GPBP1: variants seen among roughly 807,000 people sequenced by gnomAD.
The protein encoded by GPBP1 is GC-rich promoter binding protein 1, also known as vasculin.
Under a neutral mutation model 56.5 loss-of-function variants are expected in GPBP1, and 13 were observed. The observed-to-expected ratio is 0.23, with a 90% confidence interval of 0.15 to 0.37. The LOEUF is 0.37. GPBP1 is among the 10% of genes least tolerant of loss of function. GPBP1 has a pLI of 1.00. For missense variants in GPBP1, 477 were observed against 572.3 expected, an observed-to-expected ratio of 0.83 and a Z score of 1.70; for synonymous variants, 204 against 188.9, an observed-to-expected ratio of 1.08 and a Z score of -0.66.
intron 6 of GPBP1, among the ~76,000 whole-genome samples, chr5:57,240,452 T>C (rs148297524): frequency 1.3e-5 from 2 of 152,366 alleles, no homozygotes; most frequent in East Asian, 3.9e-4. Context: ...CCATTCAGTG[T>C]AGGTTTACTA....
chr5:57,250,205 C>T lies in GPBP1; in HGVS notation c.972+629C>T, dbSNP rs539464728. On this transcript the variant is annotated intron_variant, in intron 9 of 11. Transcript: ENST00000506184. ...TTTTTGTAGAGACGGGGTTTCACCA[C>T]GTTGGCCAGACTGGTCTTGAACTCC... is the stretch of plus-strand genomic sequence containing the variant. 2.0e-5 allele frequency among the ~76,000 whole-genome samples: 3 copies of T among 151,426 alleles called. No individual in the cohort carries two copies. The South Asian group carries it at 6.3e-4, about 32-fold the overall frequency.
At chr5:57,178,728 A>G (rs1753907737) in intron 2 of GPBP1, among the ~76,000 whole-genome samples, 1 of 152,164 alleles carries the variant, frequency 6.6e-6, no homozygotes, top group Non-Finnish European at 1.5e-5. Context: ...TTTGACAGAT[A>G]TTTTCAGTAT....
chr5:57,236,099 G>T lies in GPBP1; in HGVS notation c.478+67G>T, dbSNP rs1660811495. 4 of 1,085,106 alleles carry T rather than the reference G, an allele frequency of 3.7e-6. No homozygotes were observed. The South Asian group carries it at 5.4e-5, about 15-fold the overall frequency. 67.2% of individuals were successfully genotyped at this position (1,085,106 alleles called of 1,614,324 possible). A position where few individuals can be genotyped will look rare whatever the true frequency, so the allele number is the denominator to read the frequency against. On this transcript the variant is annotated intron_variant, in intron 6 of 11. Coordinates refer to ENST00000506184, the MANE Select transcript of GPBP1 (RefSeq NM_022913.4). ...GATATTTATAGGTTTCACTTTTTGT[G>T]TTTTTTAAAATAGAGAGCAGGCTAG...
chr5:57,247,747 T>G lies in GPBP1; in HGVS notation c.804+532T>G, dbSNP rs539774457. On this transcript the variant is annotated intron_variant, in intron 8 of 11. Coordinates refer to ENST00000506184, the MANE Select transcript of GPBP1 (RefSeq NM_022913.4). ...AACATCCTAATAAACAAAGAATAAT[T>G]TTTTGGGGGGTGGTAGGAGGGACAG... 2.0e-5 allele frequency among the ~76,000 whole-genome samples: 3 copies of G among 150,790 alleles called. No homozygotes were observed. The South Asian group carries it at 6.4e-4, about 32-fold the overall frequency.
chr5:57,175,909 T>C lies in GPBP1; in HGVS notation c.-549T>C. The C allele has an allele frequency of 2.5e-6, 1 of 398,486 alleles. No individual in the cohort carries two copies. Among genetic ancestry groups the C allele is most frequent in the Non-Finnish European group, 4.4e-6 (1 of 225,966 alleles). The allele number at this position is 398,486 out of a possible 1,614,324, so 24.7% of individuals were successfully genotyped here. A position where few individuals can be genotyped will look rare whatever the true frequency, so the allele number is the denominator to read the frequency against. On this transcript the variant is annotated 5_prime_UTR_variant, in exon 2 of 12. Transcript: ENST00000506184. Reference sequence around the variant, plus strand: ...CTCTTTCATGTCACAATGGGACACTTTTTCTGAATGAAGAGATTGAAAGAA... The same window carrying C: ...CTCTTTCATGTCACAATGGGACACTCTTTCTGAATGAAGAGATTGAAAGAA...
chr5:57,211,962 A>T (rs1167757038), intron 2 of GPBP1, among the ~76,000 whole-genome samples: 1 of 150,400 alleles, frequency 6.6e-6, no homozygotes, highest in Non-Finnish European at 1.5e-5. Flanking sequence ...TTTGAGACAG[A>T]GTCTTCCTCT....
chr5:57,198,698 C>T (rs1754870073), intron 2 of GPBP1, among the ~76,000 whole-genome samples: 1 of 151,962 alleles, frequency 6.6e-6, no homozygotes, highest in Non-Finnish European at 1.5e-5. Flanking sequence ...AAAATACAAA[C>T]ATTAGCCGAG....
At position 57,246,378 on chromosome 5, in the gene GPBP1, C is replaced by T; in HGVS notation, c.557C>T (p.Ser186Phe). The change falls in exon 7 of 12, where the codon TCT becomes TTT. Residue 186 changes from serine (S) to phenylalanine (F), a missense_variant. Physicochemically the swap from Ser to Phe is radical, Grantham distance 155. Transcript: ENST00000506184. ...GGTAATACAAAAGACTTACAGCTAT[C>T]TGGATTCCCAGTAGTAGGAAATCTT... ...KKGNTKDLQL[S>F]GFPVVGNLPS... 1.2e-6 allele frequency: 2 copies of T among 1,613,350 alleles called. No individual in the cohort carries two copies. Among genetic ancestry groups the T allele is most frequent in the Non-Finnish European group, 1.7e-6 (2 of 1,179,316 alleles).
intron 2 of GPBP1, among the ~76,000 whole-genome samples, chr5:57,209,975 C>T (rs926929032): frequency 6.6e-6 from 1 of 152,002 alleles, no homozygotes; most frequent in East Asian, 1.9e-4. Flanking sequence ...TTTTGATGGT[C>T]TTTGTGATTT....
intron 2 of GPBP1, among the ~76,000 whole-genome samples, chr5:57,204,261 G>GTT (rs529698449): frequency 0.014 from 2,041 of 150,748 alleles, 110 homozygotes; most frequent in East Asian, 0.097. Context: ...GTTTTGTCTT[G>GTT]TTTTTTTTTG....
At position 57,230,974 on chromosome 5, in the gene GPBP1, A is replaced by G. The variant is rs1756430042; in HGVS notation, c.187+5A>G. 6.3e-7 allele frequency: 1 copy of G among 1,592,146 alleles called. No individual in the cohort carries two copies. The highest frequency in any genetic ancestry group is 1.4e-5 in the African/African-American group (1 of 72,980). On this transcript the variant is annotated splice_donor_5th_base_variant and intron_variant, in intron 4 of 11. Coordinates refer to ENST00000506184, the MANE Select transcript of GPBP1 (RefSeq NM_022913.4). The stretch of plus-strand genomic sequence containing the variant: ...CTATTGGGCGTCCTAATGGAGGTAA[A>G]ATTTGCTAAGGAATGATGTTTATGG...
rs148203317 is a variant in GPBP1, at chr5:57,191,384, G to A, written c.-58+14984G>A. On this transcript the variant is annotated intron_variant, in intron 2 of 11. Transcript: ENST00000506184. ...GCTTGAATTACAGGTGTGAGCCGCC[G>A]TGCCTGGCCTTGCTCTTAGCTTTTT... Among the ~76,000 whole-genome samples the A allele has an allele frequency of 2.0e-3, 303 of 151,914 alleles. 3 individuals are homozygous for A. The highest frequency in any genetic ancestry group is 6.9e-3 in the African/African-American group (288 of 41,440).
chr5:57,201,115 C>T (rs1262100243), intron 2 of GPBP1, among the ~76,000 whole-genome samples: 1 of 152,190 alleles, frequency 6.6e-6, no homozygotes, highest in Non-Finnish European at 1.5e-5. Context: ...TGAGCCACTG[C>T]GCTCGGCCAT....
At chr5:57,244,902 TC>T (rs1426606527) in intron 6 of GPBP1, among the ~76,000 whole-genome samples, 1 of 151,960 alleles carries the variant, frequency 6.6e-6, no homozygotes, top group Non-Finnish European at 1.5e-5. Flanking sequence ...CCCCGCTAAT[TC>T]CTTTTTGTAT....
intron 2 of GPBP1, among the ~76,000 whole-genome samples, chr5:57,184,187 G>A (rs899046275): frequency 3.3e-5 from 5 of 152,068 alleles, no homozygotes; most frequent in Admixed American, 6.6e-5. Context: ...AGCCGAGATC[G>A]TGCCACTGCA....
intron 11 of GPBP1, among the ~76,000 whole-genome samples, chr5:57,261,495 C>T (rs537559919): frequency 6.6e-6 from 1 of 152,172 alleles, no homozygotes; most frequent in Non-Finnish European, 1.5e-5. Flanking sequence ...CAACCTTAGC[C>T]TCTGGAGTAA....
intron 2 of GPBP1, among the ~76,000 whole-genome samples, chr5:57,201,964 A>C (rs1370337404): frequency 6.6e-6 from 1 of 152,068 alleles, no homozygotes; most frequent in African/African-American, 2.4e-5. Flanking sequence ...ATCTTTCATA[A>C]TTCTGCGTTT....
chr5:57,262,665 G>A lies in GPBP1; in HGVS notation c.1335G>A (p.Pro445=), dbSNP rs147297567. The A allele has an allele frequency of 4.5e-5, 72 of 1,613,410 alleles. No individual in the cohort carries two copies. The African/African-American group carries it at 8.3e-4, about 19-fold the overall frequency. ...NGLICDFKFG[P]WKNSTFKPTT... ...TGATCTGTGACTTCAAGTTTGGACC[G>A]TGGAAGAACAGCACTTTCAAACCCA... is the stretch of plus-strand genomic sequence containing the variant. Residue 445 remains proline, a synonymous_variant, in exon 12 of 12, where the codon CCG becomes CCA. Coordinates refer to ENST00000506184, the MANE Select transcript of GPBP1 (RefSeq NM_022913.4).
chr5:57,236,184 A>T, intron 6 of GPBP1, 152 bp downstream of exon 6: 3 of 591,398 alleles, frequency 5.1e-6, no homozygotes, highest in Non-Finnish European at 8.9e-6. Context: ...AAAAGGTAAC[A>T]TTCGTCTTTA....
Sources: allele counts gnomAD v4.1 joint callset (sites outside exome capture counted in the v4.1 genomes callset), GRCh38; gene constraint gnomAD v4.1.1; transcripts MANE v1.5; gene names NCBI Gene and HGNC (gene_info 2026-07-23, HGNC 2026-07-21).